NPR3: variants seen among roughly 807,000 people sequenced by gnomAD.
NPR3 encodes natriuretic peptide receptor 3, also known as atrial natriuretic peptide receptor 3.
NPR3 carries 34 observed loss-of-function variants against 54.5 expected under a neutral mutation model. That is an observed-to-expected ratio of 0.62 (90% CI 0.47 to 0.83). NPR3 has a LOEUF of 0.83. NPR3 is among the 40% of genes least tolerant of loss of function. The pLI, the probability that NPR3 is intolerant of heterozygous loss-of-function variation, is 0.00. For missense variants in NPR3, 674 were observed against 720.8 expected, an observed-to-expected ratio of 0.94 and a Z score of 0.74; for synonymous variants, 289 against 297.1, an observed-to-expected ratio of 0.97 and a Z score of 0.28.
At chr5:32,723,371 C>T (rs1197252627) in intron 1 of NPR3, among the ~76,000 whole-genome samples, 1 of 152,140 alleles carries the variant, frequency 6.6e-6, no homozygotes, top group East Asian at 1.9e-4. Context: ...GAGAGGCTCT[C>T]GAGTTGTGTG....
intron 3 of NPR3, among the ~76,000 whole-genome samples, chr5:32,768,439 C>T (rs1332209210): frequency 6.6e-6 from 1 of 152,202 alleles, no homozygotes; most frequent in Non-Finnish European, 1.5e-5. Flanking sequence ...GGAGAATTTT[C>T]AAAAGTCATT....
At chr5:32,775,414 T>G (rs1159528684) in intron 4 of NPR3, among the ~76,000 whole-genome samples, 2 of 151,628 alleles carry the variant, frequency 1.3e-5, no homozygotes, top group Non-Finnish European at 2.9e-5. Context: ...CCTGCCTCAG[T>G]GTCCTGAGTA....
At chr5:32,697,356 T>G (rs986440279) in intron 1 of NPR3, among the ~76,000 whole-genome samples, 2 of 152,160 alleles carry the variant, frequency 1.3e-5, no homozygotes, top group Non-Finnish European at 2.9e-5. Context: ...AATGATCCTT[T>G]TAATGTGTTA....
At position 32,743,853 on chromosome 5, in the gene NPR3, G is replaced by T. The variant is rs117818810; in HGVS notation, c.1059+4823G>T. Among the ~76,000 whole-genome samples the T allele has an allele frequency of 2.6e-5, 4 of 152,204 alleles. No individual in the cohort carries two copies. In the East Asian group the frequency reaches 7.7e-4, roughly 29 times the overall value. ...CACTGGGGCTGTAAGTGTTGCATAT[G>T]CTATAATTGTCTAGTTATTAGTACA... On this transcript the variant is annotated intron_variant, in intron 3 of 7. Transcript: ENST00000265074.
rs117674799 is a variant in NPR3, at chr5:32,738,401, C to T, written c.893-463C>T. ...CATCACTAACTGTCTAATAGTTGTG[C>T]ATATCCATTGTCATGCGTCACTGTG... is the stretch of plus-strand genomic sequence containing the variant. On this transcript the variant is annotated intron_variant, in intron 2 of 7. Transcript: ENST00000265074. 1.6e-3 allele frequency among the ~76,000 whole-genome samples: 239 copies of T among 152,184 alleles called. 2 individuals are homozygous for T. The East Asian group carries it at 0.031, about 19-fold the overall frequency.
intron 3 of NPR3, among the ~76,000 whole-genome samples, chr5:32,769,826 G>C (rs150167449): frequency 6.6e-6 from 1 of 152,196 alleles, no homozygotes; most frequent in Non-Finnish European, 1.5e-5. Context: ...GGCCGGCAGC[G>C]TTCTATGCTG....
In NPR3 at chr5:32,784,815, G is replaced by A. The variant is rs780434713; in HGVS notation, c.1446G>A (p.Ser482=). Residue 482 remains serine, a synonymous_variant, in exon 7 of 8, where the codon TCG becomes TCA. Transcript: ENST00000265074. ...TTCAAGCAGGTGGCCTAGAAGAATC[G>A]GCAGTGACAGGAATTGTCGTGGGGG... is the stretch of plus-strand genomic sequence containing the variant. ...PCKSSGGLEE[S]AVTGIVVGAL... is the part of the protein sequence containing the mutation. 9.3e-6 allele frequency: 15 copies of A among 1,613,422 alleles called. No homozygotes were observed. Among genetic ancestry groups the A allele is most frequent in the Middle Eastern group, 1.6e-4 (1 of 6,080 alleles).
intron 6 of NPR3, 27 bp from the exon 7 acceptor site, chr5:32,784,769 C>G (rs746517563): frequency 7.6e-6 from 12 of 1,575,698 alleles, no homozygotes; most frequent in Non-Finnish European, 1.0e-5. Context: ...CCAAATGAAC[C>G]CTGATTATCC....
chr5:32,714,932 G>A (rs1738471599), intron 1 of NPR3, among the ~76,000 whole-genome samples: 1 of 152,184 alleles, frequency 6.6e-6, no homozygotes, highest in African/African-American at 2.4e-5. Flanking sequence ...AGGTAAAGTG[G>A]GGGTAGTCAG....
chr5:32,712,172 G>A lies in NPR3; in HGVS notation c.396G>A (p.Leu132=). 1 of 1,613,228 alleles carries A rather than the reference G, an allele frequency of 6.2e-7. No homozygotes were observed. Among genetic ancestry groups the A allele is most frequent in the Non-Finnish European group, 8.5e-7 (1 of 1,179,774 alleles). ...AARGAKPDLI[L]GPVCEYAAAP... is the part of the protein sequence containing the mutation. ...GGGGCGCCAAGCCAGACCTTATCCT[G>A]GGGCCAGTGTGCGAGTATGCAGCAG... is the stretch of plus-strand genomic sequence containing the variant. The change falls in exon 1 of 8, where the codon CTG becomes CTA. Residue 132 remains leucine (L), a synonymous_variant. Transcript: ENST00000265074.
intron 2 of NPR3, among the ~76,000 whole-genome samples, chr5:32,729,307 G>A (rs1739339322): frequency 6.6e-6 from 1 of 152,114 alleles, no homozygotes; most frequent in Admixed American, 6.5e-5. Flanking sequence ...GGGATTACAG[G>A]CGTGAGCCAC....
intron 2 of NPR3, among the ~76,000 whole-genome samples, chr5:32,736,250 A>AAAAAG (rs1579629582): frequency 1.9e-4 from 24 of 128,560 alleles, no homozygotes; most frequent in Non-Finnish European, 3.0e-4. Flanking sequence ...AAAAAAAAAG[A>AAAAAG]AAAAAAAAAG....
chr5:32,711,922 C>T lies in NPR3; in HGVS notation c.146C>T (p.Pro49Leu). ...GGACGCCAGGAGAGAGAGGCGCTGC[C>T]GCCACAGAAGATCGAGGTGCTGGTG... ...GGGRQEREALPPQKIEVLVLL... is the reference protein window; with the variant it reads ...GGGRQEREALLPQKIEVLVLL... The change falls in exon 1 of 8, where the codon CCG becomes CTG. Residue 49 changes from proline (P) to leucine (L), a missense_variant. Physicochemically the swap from Pro to Leu is moderately conservative, Grantham distance 98. Transcript: ENST00000265074. 2 of 1,503,082 alleles carry T rather than the reference C, an allele frequency of 1.3e-6. No homozygotes were observed. Among genetic ancestry groups the T allele is most frequent in the Non-Finnish European group, 1.8e-6 (2 of 1,124,002 alleles). The allele number at this position is 1,503,082 out of a possible 1,614,324, so 93.1% of individuals were successfully genotyped here. A position where few individuals can be genotyped will look rare whatever the true frequency, so the allele number is the denominator to read the frequency against.
chr5:32,784,198 T>A (rs2112075153), intron 6 of NPR3, among the ~76,000 whole-genome samples: 2 of 152,262 alleles, frequency 1.3e-5, no homozygotes, highest in Middle Eastern at 6.8e-3. Context: ...TTGACTTTAT[T>A]TATTTATTTT....
chr5:32,776,486 G>A (rs560132211), intron 4 of NPR3, among the ~76,000 whole-genome samples: 1 of 152,272 alleles, frequency 6.6e-6, no homozygotes, highest in East Asian at 1.9e-4. Flanking sequence ...AAGTGCATTA[G>A]AAATTGCCAA....
chr5:32,706,624 C>T (rs571671398), upstream of NPR3, among the ~76,000 whole-genome samples: 3 of 152,308 alleles, frequency 2.0e-5, no homozygotes, highest in African/African-American at 7.2e-5. Context: ...TTCTTCCCCA[C>T]CACGACAATA....
chr5:32,770,153 C>T (rs1741679179), intron 3 of NPR3, among the ~76,000 whole-genome samples: 1 of 152,166 alleles, frequency 6.6e-6, no homozygotes. Context: ...GATGACAGGC[C>T]TGGTACAGTG....
chr5:32,780,991 G>A (rs1742310969), intron 5 of NPR3, among the ~76,000 whole-genome samples, 175 bp downstream of exon 5: 1 of 152,194 alleles, frequency 6.6e-6, no homozygotes, highest in Non-Finnish European at 1.5e-5. Flanking sequence ...ATGGTTCCTT[G>A]TTTATTCTAA....
At chr5:32,716,357 A>G (rs1344570267) in intron 1 of NPR3, 1 of 445,960 alleles carries the variant, frequency 2.2e-6, no homozygotes, top group African/African-American at 2.2e-5. Context: ...ATATCTCTTA[A>G]TAACATGCTA....
Sources: gnomAD v4.1 joint callset for allele counts (sites outside exome capture counted in the v4.1 genomes callset) on GRCh38, gnomAD v4.1.1 for gene constraint, MANE v1.5 for transcripts, NCBI Gene and HGNC (gene_info 2026-07-23, HGNC 2026-07-21) for gene names.